The following BIRC6 variants were observed in gnomAD, a reference collection of about 807,000 sequenced individuals.
BIRC6 encodes the protein baculoviral IAP repeat containing 6, also known as dual E2 ubiquitin-conjugating enzyme/E3 ubiquitin-protein ligase BIRC6.
A neutral mutation model predicts 503.3 loss-of-function variants in BIRC6; 98 were observed. The observed-to-expected ratio is 0.19, with a 90% CI of 0.17 to 0.23. The LOEUF is 0.23. Among genes scored for constraint, BIRC6 ranks in the 10% least tolerant of loss-of-function variants. The pLI is 1.00. For synonymous variants in BIRC6, 2,240 were observed against 2,078.7 expected (o/e 1.08, Z -2.11); for missense variants, 5,360 against 5,806.0 (o/e 0.92, Z 2.50).
intron 57 of BIRC6, among the ~76,000 whole-genome samples, chr2:32,519,675 C>T (rs1572772513): frequency 6.6e-6 from 1 of 152,026 alleles, no homozygotes; most frequent in African/African-American, 2.4e-5. Context: ...GCCACCATGC[C>T]CAGCTAATTT....
At chr2:32,453,647 T>C (rs1009539310) in intron 22 of BIRC6, among the ~76,000 whole-genome samples, 161 bp from the exon 23 acceptor site, 123 of 152,330 alleles carry the variant, frequency 8.1e-4, no homozygotes, top group African/African-American at 2.8e-3. Context: ...CCTGCTGTTT[T>C]GTCAGTTTTC....
chr2:32,400,868 G>A (rs1268915698), intron 6 of BIRC6, among the ~76,000 whole-genome samples: 2 of 152,150 alleles, frequency 1.3e-5, no homozygotes, highest in African/African-American at 4.8e-5. Context: ...TTTGTAGTAT[G>A]TAATATAGCA....
At position 32,453,803 on chromosome 2, in the gene BIRC6, A is replaced by C; in HGVS notation, c.4619-5A>C. The C allele has an allele frequency of 6.2e-7, 1 of 1,611,084 alleles. No homozygotes were observed. The highest frequency in any genetic ancestry group is 8.5e-7 in the Non-Finnish European group (1 of 1,178,980). On this transcript the variant is annotated splice_polypyrimidine_tract_variant and splice_region_variant and intron_variant, in intron 22 of 73. Transcript: ENST00000421745. ...CGTGTTATAAAACTTGTCTTTTGCC[A>C]TTAGGAAATGGAAAGGTCAGTAGTT...
chr2:32,550,906 A>G (rs1335023480), intron 65 of BIRC6, among the ~76,000 whole-genome samples: 1 of 152,174 alleles, frequency 6.6e-6, no homozygotes, highest in African/African-American at 2.4e-5. Flanking sequence ...TAGAAATTTA[A>G]TGTGACAGAT....
chr2:32,458,209 C>G (rs891449543), intron 23 of BIRC6, among the ~76,000 whole-genome samples: 3 of 152,012 alleles, frequency 2.0e-5, no homozygotes, highest in Non-Finnish European at 4.4e-5. Flanking sequence ...GCCCTTCTGC[C>G]CTTTTTTTGC....
At chr2:32,406,410 C>CA in intron 8 of BIRC6, 89 bp from the exon 9 acceptor site, 1 of 1,017,698 alleles carries the variant, frequency 9.8e-7, no homozygotes, top group East Asian at 2.5e-5. Flanking sequence ...AAAAAACCCA[C>CA]AAAACCAACT....
chr2:32,549,682 A>G (rs1364400806), intron 65 of BIRC6, among the ~76,000 whole-genome samples: 1 of 152,208 alleles, frequency 6.6e-6, no homozygotes, highest in African/African-American at 2.4e-5. Flanking sequence ...TAAAAGTTTC[A>G]TTATTCCTTT....
At chr2:32,406,352 T>A (rs1207718109) in intron 8 of BIRC6, 147 bp from the exon 9 acceptor site, 19 of 601,294 alleles carry the variant, frequency 3.2e-5, no homozygotes, top group Non-Finnish European at 5.0e-5. Flanking sequence ...TGAGCTGTGT[T>A]CCTGCCACTG....
At chr2:32,488,976 T>C (rs1217127552) in intron 42 of BIRC6, among the ~76,000 whole-genome samples, 2 of 152,138 alleles carry the variant, frequency 1.3e-5, no homozygotes, top group African/African-American at 4.8e-5. Flanking sequence ...CTGTTACTCC[T>C]TTATATTTTC....
At chr2:32,449,077 TAGA>T in intron 22 of BIRC6, 149 bp downstream of exon 22, 1 of 669,416 alleles carries the variant, frequency 1.5e-6, no homozygotes, top group Non-Finnish European at 2.3e-6. Flanking sequence ...AAATGTTTCC[TAGA>T]AGTTCTTAAC....
intron 3 of BIRC6, among the ~76,000 whole-genome samples, chr2:32,386,059 C>A (rs1230627942): frequency 6.6e-6 from 1 of 152,142 alleles, no homozygotes; most frequent in Non-Finnish European, 1.5e-5. Flanking sequence ...TTCATCTGGA[C>A]CAATCAGCGT....
chr2:32,589,710 CTTCTT>C (rs1242483355), intron 66 of BIRC6, among the ~76,000 whole-genome samples: 2 of 152,050 alleles, frequency 1.3e-5, no homozygotes, highest in Non-Finnish European at 2.9e-5. Flanking sequence ...TTTAACATCT[CTTCTT>C]TGACTGGCTC....
At chr2:32,447,692 CG>C (rs1478945537) in intron 21 of BIRC6, among the ~76,000 whole-genome samples, 1 of 105,374 alleles carries the variant, frequency 9.5e-6, no homozygotes, top group Non-Finnish European at 2.0e-5. Context: ...GGCGGCTGGC[CG>C]GGCGGGGGGC....
rs916039625 is a variant in BIRC6 at position 32,503,160 on chromosome 2, T to C, written c.9423T>C (p.Val3141=). 6.2e-7 allele frequency: 1 copy of C among 1,612,986 alleles called. No individual in the cohort carries two copies. The part of the protein sequence containing the change: ...KFLDSGPNKA[V]DSTLKTRILA... Reference sequence around the variant, plus strand: ...TTGACTCTGGTCCAAATAAAGCTGTTGACAGCACATTGAAAACAAGAATAC... The same window carrying C: ...TTGACTCTGGTCCAAATAAAGCTGTCGACAGCACATTGAAAACAAGAATAC... The change falls in exon 49 of 74, where the codon GTT becomes GTC. Residue 3141 remains valine (V), a synonymous_variant. Transcript: ENST00000421745.
intron 9 of BIRC6, among the ~76,000 whole-genome samples, chr2:32,408,835 A>G (rs1202921834): frequency 2.0e-5 from 3 of 152,230 alleles, no homozygotes; most frequent in African/African-American, 7.2e-5. Context: ...ATATCTTTCC[A>G]GTTCAAAATT....
intron 65 of BIRC6, among the ~76,000 whole-genome samples, chr2:32,572,713 C>A (rs536873838): frequency 1.8e-4 from 28 of 152,154 alleles, no homozygotes; most frequent in Non-Finnish European, 2.4e-4. Flanking sequence ...GGAAAATGGG[C>A]TTTCATACTC....
intron 65 of BIRC6, among the ~76,000 whole-genome samples, chr2:32,559,161 T>C (rs2058984352): frequency 6.6e-6 from 1 of 152,250 alleles, no homozygotes; most frequent in African/African-American, 2.4e-5. Flanking sequence ...AGTTTTGTAA[T>C]GTCACACACC....
intron 8 of BIRC6, among the ~76,000 whole-genome samples, chr2:32,403,333 A>G (rs1351681167): frequency 6.6e-6 from 1 of 152,218 alleles, no homozygotes; most frequent in African/African-American, 2.4e-5. Flanking sequence ...CATTAATTGG[A>G]AAAATCTAAG....
At chr2:32,389,376 TG>T (rs1249185362) in intron 4 of BIRC6, among the ~76,000 whole-genome samples, 1 of 144,062 alleles carries the variant, frequency 6.9e-6, no homozygotes, top group African/African-American at 2.6e-5. Context: ...CATTTTATAA[TG>T]AAAAAAAAAA....
Sources: allele counts gnomAD v4.1 joint callset (sites outside exome capture counted in the v4.1 genomes callset), GRCh38; gene constraint gnomAD v4.1.1; transcripts MANE v1.5; gene names NCBI Gene and HGNC (gene_info 2026-07-23, HGNC 2026-07-21).